Variants in CCDC91 observed in about 807,000 individuals in gnomAD.
CCDC91 encodes coiled-coil domain containing 91.
A neutral mutation model predicts 63.2 loss-of-function variants in CCDC91; 48 were observed. That is an observed-to-expected ratio of 0.76 (90% confidence interval 0.60 to 0.97). The LOEUF (loss-of-function observed/expected upper bound fraction) is 0.97. Ranked by LOEUF, CCDC91 falls within the 50% of genes least tolerant of loss-of-function variation. The pLI, the probability that CCDC91 is intolerant of heterozygous loss-of-function variation, is 0.00. For missense variants in CCDC91, 500 were observed against 494.6 expected (o/e 1.01, Z -0.10); for synonymous variants, 167 against 165.8 (o/e 1.01, Z -0.06).
intron 1 of CCDC91, among the ~76,000 whole-genome samples, chr12:28,253,176 T>C (rs1435874507): frequency 1.3e-5 from 2 of 152,226 alleles, no homozygotes; most frequent in Non-Finnish European, 2.9e-5. Context: ...GTTGTTTCTT[T>C]GTGGAACGTC....
intron 12 of CCDC91, among the ~76,000 whole-genome samples, chr12:28,501,745 T>C (rs1438627970): frequency 6.6e-6 from 1 of 151,936 alleles, no homozygotes; most frequent in East Asian, 1.9e-4. Context: ...GAGGATTCCC[T>C]CTTTTCTATT....
At chr12:28,404,460 T>C (rs1431478527) in intron 8 of CCDC91, among the ~76,000 whole-genome samples, 1 of 152,134 alleles carries the variant, frequency 6.6e-6, no homozygotes, top group Non-Finnish European at 1.5e-5. Flanking sequence ...TTGAAAAGAA[T>C]GCATATTCTG....
intron 6 of CCDC91, among the ~76,000 whole-genome samples, chr12:28,333,370 G>A (rs1200847545): frequency 6.7e-6 from 1 of 149,294 alleles, no homozygotes; most frequent in Non-Finnish European, 1.5e-5. Flanking sequence ...ACTCCAGCCT[G>A]GGTGACAGAG....
At chr12:28,259,515 C>CTTT (rs1946683162) in intron 3 of CCDC91, 73 bp downstream of exon 3, 1 of 929,556 alleles carries the variant, frequency 1.1e-6, no homozygotes. Context: ...TCTTTGAAAC[C>CTTT]CTATTTCTCA....
chr12:28,506,414 T>C (rs1009107375), intron 12 of CCDC91, among the ~76,000 whole-genome samples: 3 of 152,010 alleles, frequency 2.0e-5, no homozygotes, highest in African/African-American at 7.2e-5. Context: ...AAGCATCTAA[T>C]TGAACTAGTT....
chr12:28,503,254 C>T (rs1183958142), intron 12 of CCDC91, among the ~76,000 whole-genome samples: 1 of 152,010 alleles, frequency 6.6e-6, no homozygotes, highest in African/African-American at 2.4e-5. Context: ...AACAAACAAC[C>T]CCATCAAAAA....
At chr12:28,205,173 T>C (rs780206945) in intron 1 of CCDC91, among the ~76,000 whole-genome samples, 1 of 151,922 alleles carries the variant, frequency 6.6e-6, no homozygotes, top group Non-Finnish European at 1.5e-5. Flanking sequence ...TGCTCAATTA[T>C]AGAGAGAAAG....
chr12:28,331,474 A>C (rs1941504105), intron 6 of CCDC91, among the ~76,000 whole-genome samples: 1 of 152,214 alleles, frequency 6.6e-6, no homozygotes, highest in Admixed American at 6.5e-5. Flanking sequence ...GCCCTTTTGA[A>C]AAATCATTTT....
At chr12:28,523,917 G>A (rs1484709257) in intron 12 of CCDC91, among the ~76,000 whole-genome samples, 1 of 152,096 alleles carries the variant, frequency 6.6e-6, no homozygotes, top group Non-Finnish European at 1.5e-5. Flanking sequence ...CTCTATTCTG[G>A]CTTGTAGAGT....
chr12:28,230,882 C>G (rs1944548290), intron 1 of CCDC91, among the ~76,000 whole-genome samples: 1 of 152,178 alleles, frequency 6.6e-6, no homozygotes, highest in Non-Finnish European at 1.5e-5. Context: ...GCCTCCACAT[C>G]CCAAAGTGCT....
chr12:28,226,640 C>G (rs1426513106), intron 1 of CCDC91, among the ~76,000 whole-genome samples: 4 of 152,068 alleles, frequency 2.6e-5, no homozygotes, highest in Non-Finnish European at 4.4e-5. Context: ...TAACATTTTA[C>G]ATTATTGTAC....
At chr12:28,289,201 G>C (rs1169364261) in intron 3 of CCDC91, among the ~76,000 whole-genome samples, 2 of 151,602 alleles carry the variant, frequency 1.3e-5, no homozygotes, top group Non-Finnish European at 2.9e-5. Flanking sequence ...TCTGAGTTTG[G>C]TTATTTCTTG....
At position 28,306,937 on chromosome 12, in the gene CCDC91, A is replaced by T. The variant is rs1196410990; in HGVS notation, c.463A>T (p.Ile155Phe). Residue 155 changes from isoleucine (I) to phenylalanine (F), a missense_variant, in exon 5 of 13, where the codon ATT becomes TTT. Physicochemically the swap from Ile to Phe is conservative, Grantham distance 21. Transcript: ENST00000536442. ...LKVSEEEKQR[I>F]KQDVESLMEK... Reference sequence around the variant, plus strand: ...AGTATCTGAAGAAGAAAAACAGAGAATTAAACAGGTATATTTACATTTGCC... The same window carrying T: ...AGTATCTGAAGAAGAAAAACAGAGATTTAAACAGGTATATTTACATTTGCC... 1.3e-6 allele frequency: 2 copies of T among 1,589,806 alleles called. No individual in the cohort carries two copies. The highest frequency in any genetic ancestry group is 2.2e-5 in the South Asian group (2 of 89,874).
chr12:28,521,913 G>A (rs1467627109), intron 12 of CCDC91, among the ~76,000 whole-genome samples: 2 of 152,130 alleles, frequency 1.3e-5, no homozygotes, highest in African/African-American at 4.8e-5. Flanking sequence ...TTGCATCCCA[G>A]GGATGAAGCC....
intron 1 of CCDC91, among the ~76,000 whole-genome samples, chr12:28,253,460 G>T (rs1301927861): frequency 1.3e-5 from 2 of 152,138 alleles, no homozygotes; most frequent in Non-Finnish European, 2.9e-5. Context: ...TAAATTGTAG[G>T]TTACCCAGTT....
intron 8 of CCDC91, among the ~76,000 whole-genome samples, chr12:28,417,957 A>C (rs11049585): frequency 0.21 from 32,611 of 151,960 alleles, 4,216 homozygotes; most frequent in Non-Finnish European, 0.3. Flanking sequence ...TATTTTATCC[A>C]TTTAGCAATT....
At chr12:28,246,299 A>G (rs1945730293) in intron 1 of CCDC91, among the ~76,000 whole-genome samples, 1 of 152,164 alleles carries the variant, frequency 6.6e-6, no homozygotes. Context: ...GGGAAGAGTT[A>G]TATGTATTAC....
intron 3 of CCDC91, among the ~76,000 whole-genome samples, chr12:28,286,174 T>C (rs1297455791): frequency 6.6e-6 from 1 of 152,096 alleles, no homozygotes; most frequent in Non-Finnish European, 1.5e-5. Flanking sequence ...TTTTCTTATC[T>C]AAGTTATACC....
chr12:28,215,906 G>A (rs1943534557), intron 1 of CCDC91, among the ~76,000 whole-genome samples: 1 of 152,018 alleles, frequency 6.6e-6, no homozygotes, highest in South Asian at 2.1e-4. Flanking sequence ...TTTCCCTGTT[G>A]AGGGCTAAAA....
Sources: gnomAD v4.1 joint callset for allele counts (sites outside exome capture counted in the v4.1 genomes callset) on GRCh38, gnomAD v4.1.1 for gene constraint, MANE v1.5 for transcripts, NCBI Gene and HGNC (gene_info 2026-07-23, HGNC 2026-07-21) for gene names.